The following DEAF1 variants were observed in gnomAD, a reference collection of about 807,000 sequenced individuals.
The protein encoded by DEAF1 is DEAF1 transcription factor.
In DEAF1, 53 loss-of-function variants were observed where a neutral mutation model predicts 58.9. That is an observed-to-expected ratio of 0.90 (90% CI 0.72 to 1.13). The LOEUF (loss-of-function observed/expected upper bound fraction) is 1.13, where lower values mean the gene tolerates loss of function less well. Ranked by LOEUF, DEAF1 falls within the 50% of genes most tolerant of loss-of-function variation. DEAF1 has a pLI of 0.00. For synonymous variants in DEAF1, 385 were observed against 340.4 expected (o/e 1.13, Z -1.44); for missense variants, 685 against 791.4 (o/e 0.87, Z 1.61).
intron 11 of DEAF1, chr11:646,501 A>C (rs1157467993): frequency 6.6e-6 from 1 of 152,222 alleles, no homozygotes; most frequent in East Asian, 1.9e-4. Context: ...CAAGGCCCCC[A>C]GGAGTTCTAG....
Position 684,912 on chromosome 11 carries a change from C to T in DEAF1, c.856G>A (p.Asp286Asn), listed in dbSNP as rs1860524094. The change falls in exon 6 of 12, where the codon GAC (aspartate) becomes AAC (asparagine). Residue 286 changes from aspartate (D) to asparagine (N), a missense_variant. This residue lies in a region of DEAF1 where 132 missense variants were observed against 234.3 expected (regional missense o/e 0.56). Coordinates refer to ENST00000382409, the MANE Select transcript of DEAF1 (RefSeq NM_021008.4). ...AASCTCAACC[D>N]DMTLSGPVRL... ...TGGCCACTTACTAAGGTCATGTCGT[C>T]GCAGCAGGCAGCACAGGTGCAAGAG... is the stretch of plus-strand genomic sequence containing the variant. 2.1e-5 allele frequency: 32 copies of T among 1,551,468 alleles called. No individual in the cohort carries two copies. The highest frequency in any genetic ancestry group is 1.7e-4 in the Middle Eastern group (1 of 5,990).
At chr11:679,094 C>T (rs749831420) in intron 8 of DEAF1, among the ~76,000 whole-genome samples, 41 of 152,138 alleles carry the variant, frequency 2.7e-4, no homozygotes, top group Non-Finnish European at 2.9e-4. Flanking sequence ...GGGCGCATCA[C>T]GAGGTCAGGA....
chr11:684,720 G>C (rs1860514912), intron 6 of DEAF1, among the ~76,000 whole-genome samples, 178 bp downstream of exon 6: 1 of 152,166 alleles, frequency 6.6e-6, no homozygotes, highest in South Asian at 2.1e-4. Context: ...GAGACATCAG[G>C]ATTCACTGTG....
At chr11:706,739 C>T (rs1258277145) in exon 1 of DEAF1, 1 of 152,570 alleles carries the variant, frequency 6.6e-6, no homozygotes, top group Admixed American at 6.5e-5. Context: ...GGGCCGGAGC[C>T]AGGAGGCACT....
intron 9 of DEAF1, among the ~76,000 whole-genome samples, chr11:675,646 A>C (rs1042363008): frequency 4.6e-5 from 7 of 152,156 alleles, no homozygotes; most frequent in African/African-American, 1.7e-4. Context: ...AACATGGTGA[A>C]ACCCCATTTC....
intron 2 of DEAF1, among the ~76,000 whole-genome samples, chr11:689,964 G>A (rs911896530): frequency 3.9e-5 from 6 of 151,910 alleles, no homozygotes; most frequent in African/African-American, 1.5e-4. Context: ...GGAGCAGCCT[G>A]ACTGAAAACA....
chr11:674,206 A>C lies in DEAF1; in HGVS notation c.1503+330T>G, dbSNP rs78223361. On this transcript the variant is annotated intron_variant, in intron 10 of 11. Transcript: ENST00000382409. ...AGATGATGTTCTCCAAACTTCATAA[A>C]ATATAAGCACATTTCACTACAGGAA... 2.5e-4 allele frequency: 91 copies of C among 362,198 alleles called. No individual in the cohort carries two copies. In the East Asian group the frequency reaches 4.1e-3, roughly 16 times the overall value. 22.4% of individuals were successfully genotyped at this position (362,198 alleles called of 1,614,324 possible).
chr11:671,835 A>T (rs1277187021), intron 10 of DEAF1, among the ~76,000 whole-genome samples: 5 of 123,718 alleles, frequency 4.0e-5, no homozygotes, highest in African/African-American at 1.5e-4. Flanking sequence ...TTAAAAAAAA[A>T]AAAAAAAAAA....
chr11:653,735 G>A (rs569767381), intron 11 of DEAF1, among the ~76,000 whole-genome samples: 40 of 152,218 alleles, frequency 2.6e-4, no homozygotes, highest in Non-Finnish European at 4.7e-4. Flanking sequence ...CAGGGTTTCC[G>A]GCCACCAACT....
At chr11:700,656 C>G (rs768837423) in intron 1 of DEAF1, 4 of 1,614,048 alleles carry the variant, frequency 2.5e-6, no homozygotes, top group Non-Finnish European at 3.4e-6. Flanking sequence ...GGTCCTCGAT[C>G]TTGCTCTGCT....
upstream of DEAF1, chr11:695,239 C>T (rs564072611): frequency 6.5e-4 from 336 of 516,036 alleles, 2 homozygotes; most frequent in African/African-American, 6.3e-3. Context: ...GGAGCGGAGC[C>T]GAGGCGAACA....
At chr11:660,660 G>T (rs117109279) in intron 10 of DEAF1, among the ~76,000 whole-genome samples, 1 of 152,242 alleles carries the variant, frequency 6.6e-6, no homozygotes, top group African/African-American at 2.4e-5. Flanking sequence ...ACTGGGCCAC[G>T]GCAGGACGTT....
rs574351615 is a variant in DEAF1 at position 653,254 on chromosome 11, C to A, written c.1593+708G>T. On this transcript the variant is annotated intron_variant, in intron 11 of 11. Transcript: ENST00000382409. ...TAGAGGAACTGTGGACGCTGTCTCT[C>A]GCGTGGCTCTGCAGGGGTGTGGAGG... Among the ~76,000 whole-genome samples the A allele has an allele frequency of 2.1e-5, 3 of 144,862 alleles. No homozygotes were observed. The South Asian group carries it at 6.7e-4, about 32-fold the overall frequency.
intron 10 of DEAF1, among the ~76,000 whole-genome samples, chr11:655,997 A>T (rs1224001644): frequency 6.7e-6 from 1 of 149,344 alleles, no homozygotes; most frequent in African/African-American, 2.4e-5. Context: ...ACGCCTGGCT[A>T]ATTTTTTTGT....
At chr11:700,168 G>A (rs1470299102), upstream of DEAF1, 1 of 1,614,148 alleles carries the variant, frequency 6.2e-7, no homozygotes, top group Admixed American at 1.7e-5. Context: ...TTCAAATGCT[G>A]TTTTATCTCA....
chr11:695,342 A>C (rs1292539294), upstream of DEAF1: 2 of 435,456 alleles, frequency 4.6e-6, no homozygotes, highest in Non-Finnish European at 8.1e-6. Flanking sequence ...CGAAGTGGGA[A>C]GCCGAATCAG....
chr11:658,589 A>G (rs2133309097), intron 10 of DEAF1, among the ~76,000 whole-genome samples: 1 of 152,386 alleles, frequency 6.6e-6, no homozygotes, highest in Non-Finnish European at 1.5e-5. Flanking sequence ...GGATGGCACA[A>G]AGGGCAGAAG....
At chr11:658,947 TAC>T (rs1859191925) in intron 10 of DEAF1, among the ~76,000 whole-genome samples, 1 of 152,200 alleles carries the variant, frequency 6.6e-6, no homozygotes, top group African/African-American at 2.4e-5. Flanking sequence ...TTAGACAAAT[TAC>T]AGATAACAAA....
At position 655,312 on chromosome 11, in the gene DEAF1, G is replaced by A. The variant is rs1212683181; in HGVS notation, c.1504-1261C>T. On this transcript the variant is annotated intron_variant, in intron 10 of 11. Coordinates refer to ENST00000382409, the MANE Select transcript of DEAF1 (RefSeq NM_021008.4). Reference sequence around the variant, plus strand: ...GGTTTCTGTGGTGGATTGAAAAGATGCCACCAGAGGTTTGTGTACTTTCTC... The same window carrying A: ...GGTTTCTGTGGTGGATTGAAAAGATACCACCAGAGGTTTGTGTACTTTCTC... Among the ~76,000 whole-genome samples the A allele has an allele frequency of 1.8e-4, 28 of 152,094 alleles. 2 individuals carry two copies. The highest frequency in any genetic ancestry group is 1.7e-3 in the Admixed American group (26 of 15,270).
Sources: gnomAD v4.1 joint callset for allele counts (sites outside exome capture counted in the v4.1 genomes callset) on GRCh38, gnomAD v4.1.1 for gene constraint, gnomAD v4.1.1 regional missense constraint, MANE v1.5 for transcripts, NCBI Gene and HGNC (gene_info 2026-07-23, HGNC 2026-07-21) for gene names.